UBE2E1: variants seen among roughly 807,000 people sequenced by gnomAD.
UBE2E1 encodes the protein ubiquitin-conjugating enzyme E2 E1.
In UBE2E1, 6 loss-of-function variants were observed where a neutral mutation model predicts 21.4. The observed-to-expected ratio is 0.28, with a 90% CI of 0.15 to 0.55. The LOEUF is 0.55. UBE2E1 is among the 20% of genes least tolerant of loss of function. The pLI is 0.93. For missense variants in UBE2E1, 142 were observed against 236.5 expected (o/e 0.60, Z 2.62); for synonymous variants, 87 against 82.7 (o/e 1.05, Z -0.28).
chr3:23,806,985 G>A lies in UBE2E1; in HGVS notation c.-33-252G>A, dbSNP rs576969080. The A allele has an allele frequency of 3.6e-6, 1 of 274,330 alleles. No homozygotes were observed. Among genetic ancestry groups the A allele is most frequent in the East Asian group, 6.3e-5 (1 of 15,760 alleles). 17.0% of individuals were successfully genotyped at this position (274,330 alleles called of 1,614,324 possible). A position where few individuals can be genotyped will look rare whatever the true frequency, so the allele number is the denominator to read the frequency against. On this transcript the variant is annotated intron_variant, in intron 1 of 5. Transcript: ENST00000306627. The surrounding 1 kb of genome is among the most constrained non-coding windows in gnomAD (Gnocchi z 6.5). ...CCTCCCTGCCCAGCGGAGAGCCCCG[G>A]GGGGCGAGGGAGGGGCCTCTCTCCT...
Position 23,807,565 on chromosome 3 carries a change from T to C in UBE2E1, c.152+144T>C, listed in dbSNP as rs909624236. On this transcript the variant is annotated intron_variant, in intron 2 of 5. Coordinates refer to ENST00000306627, the MANE Select transcript of UBE2E1 (RefSeq NM_003341.5). ...AATGAAAGAAGGGCCTTGGAAGCCC[T>C]AATTATTTTCTCTATTGCTGCTTCT... The C allele has an allele frequency of 9.6e-6, 10 of 1,043,916 alleles. No homozygotes were observed. The Admixed American group carries it at 1.0e-4, about 11-fold the overall frequency. 64.7% of individuals were successfully genotyped at this position (1,043,916 alleles called of 1,614,324 possible). A position where few individuals can be genotyped will look rare whatever the true frequency, so the allele number is the denominator to read the frequency against.
chr3:23,882,973 A>G (rs527700931), intron 3 of UBE2E1, among the ~76,000 whole-genome samples: 1 of 152,242 alleles, frequency 6.6e-6, no homozygotes, highest in Admixed American at 6.5e-5. Flanking sequence ...CAGCACAGAG[A>G]GGGGCTCCCA....
chr3:23,855,869 TTTAGGGCTTAAAGGCAC>T (rs1700424516), intron 3 of UBE2E1, among the ~76,000 whole-genome samples: 1 of 152,076 alleles, frequency 6.6e-6, no homozygotes. Context: ...GAAGTAGTGC[TTTAGGGCTTAAAGGCAC>T]TTACATAGCT....
intron 3 of UBE2E1, chr3:23,879,257 T>C (rs1246167968): frequency 2.2e-6 from 2 of 892,300 alleles, no homozygotes; most frequent in African/African-American, 1.7e-5. Context: ...GTGGCCTTAC[T>C]TTGTCCTAAA....
chr3:23,888,096 C>T (rs1178369541), intron 4 of UBE2E1: 1 of 396,280 alleles, frequency 2.5e-6, no homozygotes, highest in African/African-American at 2.1e-5. Flanking sequence ...AGTTTGAGTC[C>T]AGTCTGGGCA....
At chr3:23,872,440 G>A (rs1700824471) in intron 3 of UBE2E1, among the ~76,000 whole-genome samples, 1 of 152,118 alleles carries the variant, frequency 6.6e-6, no homozygotes, top group African/African-American at 2.4e-5. Context: ...GTTTTTTAAT[G>A]TCTGGGAGTA....
chr3:23,812,994 TA>T (rs11371794), intron 3 of UBE2E1, among the ~76,000 whole-genome samples: 16,565 of 148,008 alleles, frequency 0.11, 1,184 homozygotes, highest in South Asian at 0.22. Flanking sequence ...ATTAAGCATT[TA>T]AAAAAAAAAA....
intron 3 of UBE2E1, among the ~76,000 whole-genome samples, chr3:23,834,324 C>A (rs1298254455): frequency 6.6e-6 from 1 of 152,136 alleles, no homozygotes; most frequent in African/African-American, 2.4e-5. Flanking sequence ...AGCTAATAAC[C>A]CCCATCAAAT....
At chr3:23,824,884 T>G (rs1487444803) in intron 3 of UBE2E1, among the ~76,000 whole-genome samples, 1 of 152,166 alleles carries the variant, frequency 6.6e-6, no homozygotes, top group African/African-American at 2.4e-5. Flanking sequence ...CAGTGCTAAC[T>G]TAAGCCGGAA....
Position 23,890,784 on chromosome 3 carries a change from G to T in UBE2E1, c.*178G>T, listed in dbSNP as rs1313905594. ...TTAAGGTATCTTGCTACAGTAGACA[G>T]AATTGGTAATAGCAACTTTTAAAAT... On this transcript the variant is annotated 3_prime_UTR_variant, in exon 6 of 6. Transcript: ENST00000306627. 3.0e-5 allele frequency: 15 copies of T among 495,976 alleles called. No individual in the cohort carries two copies. Among genetic ancestry groups the T allele is most frequent in the Non-Finnish European group, 4.4e-5 (13 of 295,092 alleles). The allele number at this position is 495,976 out of a possible 1,614,324, so 30.7% of individuals were successfully genotyped here.
chr3:23,864,762 C>CAGA (rs1160784914), intron 3 of UBE2E1, among the ~76,000 whole-genome samples: 1 of 152,236 alleles, frequency 6.6e-6, no homozygotes, highest in East Asian at 1.9e-4. Context: ...CCTCAGTTAT[C>CAGA]TGTTCCTTAG....
intron 3 of UBE2E1, among the ~76,000 whole-genome samples, chr3:23,828,557 A>G (rs1699801482): frequency 6.6e-6 from 1 of 152,228 alleles, no homozygotes; most frequent in Non-Finnish European, 1.5e-5. Context: ...TACTTTTGCA[A>G]TAAAACATTA....
chr3:23,875,016 A>AT (rs202243724), intron 3 of UBE2E1, among the ~76,000 whole-genome samples: 2,121 of 152,252 alleles, frequency 0.014, 57 homozygotes, highest in African/African-American at 0.049. Flanking sequence ...TAATGTCCAC[A>AT]TTTTTTAGGT....
rs1553637705 is a variant in UBE2E1, at chr3:23,842,198, G to GTTGTGT, written c.203+30688_203+30689insTTGTGT. On this transcript the variant is annotated intron_variant, in intron 3 of 5. Transcript: ENST00000306627. This position sits in a 1 kb window ranked among gnomAD's most constrained non-coding sequence, Gnocchi z 4.6. ...TATGTCATGACCCAGTAAGTGAAGG[G>GTTGTGT]GTGTGTGTGTGTGTGTGTGTGTGTG... is the stretch of plus-strand genomic sequence containing the variant. Among the ~76,000 whole-genome samples the GTTGTGT allele has an allele frequency of 1.9e-5, 2 of 104,284 alleles. No individual in the cohort carries two copies. The highest frequency in any genetic ancestry group is 1.0e-4 in the Admixed American group (1 of 9,650). The allele number at this position is 104,284 out of a possible 152,430, so 68.4% of individuals were successfully genotyped here.
At chr3:23,885,694 A>C (rs149906488) in intron 3 of UBE2E1, among the ~76,000 whole-genome samples, 523 of 151,182 alleles carry the variant, frequency 3.5e-3, no homozygotes, top group African/African-American at 0.012. Flanking sequence ...AACCCCATCT[A>C]TACTAAAAAT....
At position 23,816,489 on chromosome 3, in the gene UBE2E1, G is replaced by A. The variant is rs1471534289; in HGVS notation, c.203+4979G>A. 1.3e-5 allele frequency among the ~76,000 whole-genome samples: 2 copies of A among 151,928 alleles called. No individual in the cohort carries two copies. Among genetic ancestry groups the A allele is most frequent in the Non-Finnish European group, 2.9e-5 (2 of 67,978 alleles). On this transcript the variant is annotated intron_variant, in intron 3 of 5. Transcript: ENST00000306627. This position sits in a 1 kb window ranked among gnomAD's most constrained non-coding sequence, Gnocchi z 4.8. The stretch of plus-strand genomic sequence containing the variant: ...TGGGAGGCTGAGGCAGGCGGATCAC[G>A]AGGTCAGGAGATCGACACCATCGTG...
intron 3 of UBE2E1, among the ~76,000 whole-genome samples, chr3:23,839,840 C>G (rs1382296231): frequency 6.6e-6 from 1 of 152,106 alleles, no homozygotes; most frequent in Non-Finnish European, 1.5e-5. Context: ...ATCTTTTTGT[C>G]TGGCTACTTT....
intron 3 of UBE2E1, among the ~76,000 whole-genome samples, chr3:23,885,488 A>AT: frequency 6.6e-6 from 1 of 152,192 alleles, no homozygotes; most frequent in African/African-American, 2.4e-5. Flanking sequence ...CCTTGTGAAA[A>AT]TTGCCATCAG....
intron 3 of UBE2E1, among the ~76,000 whole-genome samples, chr3:23,852,956 A>G (rs1464452978): frequency 6.7e-6 from 1 of 149,758 alleles, no homozygotes; most frequent in South Asian, 2.1e-4. Context: ...CACTCTTGTT[A>G]CCCAGGCTGG....
Sources: allele counts gnomAD v4.1 joint callset (sites outside exome capture counted in the v4.1 genomes callset), GRCh38; gene constraint gnomAD v4.1.1; non-coding constraint Gnocchi (gnomAD v3.1); transcripts MANE v1.5; gene names NCBI Gene and HGNC (gene_info 2026-07-23, HGNC 2026-07-21).